The following INTS9 variants were observed in gnomAD, a reference collection of about 807,000 sequenced individuals.
The protein encoded by INTS9 is integrator complex subunit 9.
In INTS9, 55 loss-of-function variants were observed where a neutral mutation model predicts 79.7. The ratio of observed to expected loss-of-function variants is 0.69; its 90% confidence interval spans 0.56 to 0.86. INTS9 has a LOEUF of 0.86. Among genes scored for constraint, INTS9 ranks in the 40% least tolerant of loss-of-function variants. The pLI is 0.00. For missense variants in INTS9, 721 were observed against 831.5 expected (o/e 0.87, Z 1.64); for synonymous variants, 319 against 325.2 (o/e 0.98, Z 0.20).
chr8:28,818,633 C>G (rs1330128068), intron 6 of INTS9, among the ~76,000 whole-genome samples: 1 of 149,466 alleles, frequency 6.7e-6, no homozygotes, highest in Non-Finnish European at 1.5e-5. Context: ...TGTGTCTCTG[C>G]CCGGCTTTGG....
At chr8:28,879,493 C>G (rs1809578273) in intron 1 of INTS9, among the ~76,000 whole-genome samples, 2 of 152,098 alleles carry the variant, frequency 1.3e-5, no homozygotes, top group South Asian at 4.1e-4. Context: ...TATTTTCTTC[C>G]TAAGATGAGG....
chr8:28,821,996 G>A (rs1255682989), intron 6 of INTS9, among the ~76,000 whole-genome samples: 1 of 152,060 alleles, frequency 6.6e-6, no homozygotes, highest in Non-Finnish European at 1.5e-5. Context: ...CAAACTCCTG[G>A]ACTCAAGCGA....
intron 10 of INTS9, among the ~76,000 whole-genome samples, chr8:28,790,319 A>G (rs998861605): frequency 6.6e-6 from 1 of 152,168 alleles, no homozygotes; most frequent in Non-Finnish European, 1.5e-5. Context: ...GCAGCTATCC[A>G]TTTTGGTAAC....
At chr8:28,802,042 A>G (rs1804557192) in intron 8 of INTS9, among the ~76,000 whole-genome samples, 1 of 152,226 alleles carries the variant, frequency 6.6e-6, no homozygotes, top group African/African-American at 2.4e-5. Context: ...TCATAGGCCA[A>G]TCACCGCCTT....
At chr8:28,801,514 C>A (rs775909122) in intron 8 of INTS9, among the ~76,000 whole-genome samples, 7 of 149,756 alleles carry the variant, frequency 4.7e-5, no homozygotes, top group African/African-American at 1.2e-4. Context: ...AACAAAAAAA[C>A]AAAAAAAACC....
At chr8:28,812,495 G>T (rs1563267686) in intron 7 of INTS9, 34 bp from the exon 8 acceptor site, 2 of 1,596,636 alleles carry the variant, frequency 1.3e-6, no homozygotes, top group Non-Finnish European at 1.7e-6. Flanking sequence ...TGTGCAATGA[G>T]CTTACAGTGA....
At chr8:28,881,134 AGCCCCCCGCCCG>A (rs1809748871) in intron 1 of INTS9, among the ~76,000 whole-genome samples, 1 of 144,492 alleles carries the variant, frequency 6.9e-6, no homozygotes, top group African/African-American at 2.6e-5. Context: ...TGGGGGGGTC[AGCCCCCCGCCCG>A]GCTGGCCGCC....
chr8:28,888,225 G>C (rs1563323733), intron 1 of INTS9, among the ~76,000 whole-genome samples: 2 of 152,100 alleles, frequency 1.3e-5, no homozygotes, highest in South Asian at 4.1e-4. Context: ...CCAAAACCCT[G>C]AACACGCCTC....
chr8:28,831,461 A>AT (rs1806482582), intron 6 of INTS9, among the ~76,000 whole-genome samples: 2 of 152,132 alleles, frequency 1.3e-5, no homozygotes, highest in African/African-American at 4.8e-5. Flanking sequence ...CCAGAACTTA[A>AT]ATTTTTTTTA....
At chr8:28,884,666 A>C (rs1294059311) in intron 1 of INTS9, among the ~76,000 whole-genome samples, 1 of 152,142 alleles carries the variant, frequency 6.6e-6, no homozygotes, top group South Asian at 2.1e-4. Flanking sequence ...GAAGGAAAAA[A>C]CCTATTGAGG....
At chr8:28,859,359 T>G (rs920468023) in intron 2 of INTS9, 77 bp downstream of exon 2, 227 of 1,500,870 alleles carry the variant, frequency 1.5e-4, no homozygotes, top group Non-Finnish European at 2.5e-5. Context: ...TACTAGGTAC[T>G]AGTAACCTTC....
chr8:28,886,657 C>T (rs1310490059), intron 1 of INTS9, among the ~76,000 whole-genome samples: 2 of 152,062 alleles, frequency 1.3e-5, no homozygotes, highest in Non-Finnish European at 2.9e-5. Flanking sequence ...ATAACCTAGG[C>T]ATGGTGCAGG....
intron 4 of INTS9, among the ~76,000 whole-genome samples, chr8:28,839,881 G>T: frequency 6.8e-6 from 1 of 147,092 alleles, no homozygotes; most frequent in Non-Finnish European, 1.5e-5. Flanking sequence ...ATAGGCATGG[G>T]CAAGGACTTC....
chr8:28,811,290 A>C (rs1216511094), intron 8 of INTS9, among the ~76,000 whole-genome samples: 3 of 151,744 alleles, frequency 2.0e-5, no homozygotes, highest in Non-Finnish European at 2.9e-5. Flanking sequence ...ATCACACCTA[A>C]TTTTTGTATT....
intron 1 of INTS9, among the ~76,000 whole-genome samples, chr8:28,865,532 T>G (rs552555682): frequency 9.3e-4 from 142 of 152,034 alleles, no homozygotes; most frequent in Non-Finnish European, 1.5e-3. Context: ...AGATAAAGAT[T>G]ATCACATAAT....
chr8:28,773,270 T>A (rs557676145), intron 14 of INTS9, among the ~76,000 whole-genome samples: 1 of 152,210 alleles, frequency 6.6e-6, no homozygotes, highest in East Asian at 1.9e-4. Flanking sequence ...GAGACCATCC[T>A]GGCTAACACG....
chr8:28,773,853 C>T (rs941104317), intron 14 of INTS9, among the ~76,000 whole-genome samples: 2 of 152,148 alleles, frequency 1.3e-5, no homozygotes, highest in Admixed American at 6.5e-5. Flanking sequence ...GACAGAGTCT[C>T]GCTCTGTCAT....
chr8:28,787,898 G>A lies in INTS9; in HGVS notation c.1038-9C>T. 6.3e-7 allele frequency: 1 copy of A among 1,587,390 alleles called. No individual in the cohort carries two copies. Among genetic ancestry groups the A allele is most frequent in the Non-Finnish European group, 8.6e-7 (1 of 1,159,280 alleles). ...GTTTGTTGTGACAAAGCCTATTAAA[G>A]AGGAAAAACACATCAGCATGTGAGG... On this transcript the variant is annotated splice_polypyrimidine_tract_variant and intron_variant, in intron 10 of 16. Transcript: ENST00000521022.
intron 1 of INTS9, among the ~76,000 whole-genome samples, chr8:28,874,886 C>T (rs1171716668): frequency 6.6e-6 from 1 of 152,112 alleles, no homozygotes; most frequent in Non-Finnish European, 1.5e-5. Context: ...AAAGACATAC[C>T]TGAGATTGGG....
Sources: allele counts gnomAD v4.1 joint callset (sites outside exome capture counted in the v4.1 genomes callset), GRCh38; gene constraint gnomAD v4.1.1; transcripts MANE v1.5; gene names NCBI Gene and HGNC (gene_info 2026-07-23, HGNC 2026-07-21).